GALNT13: variants seen among roughly 807,000 people sequenced by gnomAD.
GALNT13 encodes the protein polypeptide N-acetylgalactosaminyltransferase 13.
GALNT13 carries 28 observed loss-of-function variants against 64.2 expected under a neutral mutation model. The observed-to-expected ratio is 0.44, with a 90% CI of 0.32 to 0.60. GALNT13 has a LOEUF of 0.60. GALNT13 is among the 20% of genes least tolerant of loss of function. GALNT13 has a pLI of 0.05. For missense variants in GALNT13, 577 were observed against 669.8 expected (o/e 0.86, Z 1.53); for synonymous variants, 214 against 224.6 (o/e 0.95, Z 0.42).
chr2:153,361,622 AG>A, the GALNT13 span, among the ~76,000 whole-genome samples: 1 of 152,040 alleles, frequency 6.6e-6, no homozygotes, highest in Non-Finnish European at 1.5e-5. Flanking sequence ...AAAAAATATC[AG>A]AGTTTGAATA....
chr2:153,133,187 A>T, the GALNT13 span, among the ~76,000 whole-genome samples: 1 of 152,126 alleles, frequency 6.6e-6, no homozygotes, highest in Non-Finnish European at 1.5e-5. Flanking sequence ...AATCTCAGTC[A>T]CACAACGAAT....
chr2:153,718,210 C>T, the GALNT13 span, among the ~76,000 whole-genome samples: 1 of 152,054 alleles, frequency 6.6e-6, no homozygotes, highest in African/African-American at 2.4e-5. Context: ...TAAAAAAAAG[C>T]TAGGACCATA....
the GALNT13 span, among the ~76,000 whole-genome samples, chr2:153,365,813 C>A: frequency 6.6e-6 from 1 of 152,140 alleles, no homozygotes; most frequent in Non-Finnish European, 1.5e-5. Context: ...ATTAGTTCAA[C>A]CATTGTGGAA....
chr2:153,396,063 G>C, the GALNT13 span, among the ~76,000 whole-genome samples: 1 of 152,064 alleles, frequency 6.6e-6, no homozygotes, highest in African/African-American at 2.4e-5. Context: ...TTTCAATATA[G>C]CTTTGCTTAC....
At chr2:153,726,427 A>T in the GALNT13 span, among the ~76,000 whole-genome samples, 1 of 152,182 alleles carries the variant, frequency 6.6e-6, no homozygotes, top group Non-Finnish European at 1.5e-5. Flanking sequence ...ATTTGAAAGT[A>T]ATAAAATATG....
chr2:154,394,668 A>G (rs191275537), intron 9 of GALNT13, among the ~76,000 whole-genome samples: 1 of 152,294 alleles, frequency 6.6e-6, no homozygotes, highest in African/African-American at 2.4e-5. Flanking sequence ...GTAAATACTA[A>G]ATTGTTTTGA....
chr2:153,661,212 G>T, the GALNT13 span, among the ~76,000 whole-genome samples: 1 of 152,062 alleles, frequency 6.6e-6, no homozygotes, highest in East Asian at 1.9e-4. Flanking sequence ...GTTTATACTA[G>T]AATCACGGAA....
At chr2:153,478,479 G>A in the GALNT13 span, 1 of 1,613,156 alleles carries the variant, frequency 6.2e-7, no homozygotes, top group Non-Finnish European at 8.5e-7. Context: ...CCTGGGTGCA[G>A]CAGCGCACGG....
chr2:154,025,354 C>T (rs1697877982), intron 3 of GALNT13, among the ~76,000 whole-genome samples: 1 of 152,178 alleles, frequency 6.6e-6, no homozygotes, highest in Non-Finnish European at 1.5e-5. Flanking sequence ...ATAAAGTTTA[C>T]CTCTGATCTC....
At chr2:154,078,322 AT>A (rs940640772) in intron 3 of GALNT13, among the ~76,000 whole-genome samples, 7 of 151,534 alleles carry the variant, frequency 4.6e-5, no homozygotes, top group African/African-American at 1.7e-4. Flanking sequence ...AATACATTGA[AT>A]TTATGCCATA....
the GALNT13 span, among the ~76,000 whole-genome samples, chr2:153,809,237 C>T: frequency 6.6e-6 from 1 of 152,074 alleles, no homozygotes; most frequent in African/African-American, 2.4e-5. Flanking sequence ...ACACATTATT[C>T]GTTGAAACAT....
the GALNT13 span, among the ~76,000 whole-genome samples, chr2:153,698,859 C>G: frequency 6.6e-6 from 1 of 152,164 alleles, no homozygotes; most frequent in Admixed American, 6.5e-5. Context: ...TCAGCAAATG[C>G]AAAAGAACTG....
At chr2:153,272,481 AT>A in the GALNT13 span, among the ~76,000 whole-genome samples, 1 of 152,192 alleles carries the variant, frequency 6.6e-6, no homozygotes, top group African/African-American at 2.4e-5. Context: ...AAAAGAAGAC[AT>A]TTATATGGCC....
chr2:154,136,287 G>C (rs1682944449), intron 3 of GALNT13, among the ~76,000 whole-genome samples: 1 of 152,158 alleles, frequency 6.6e-6, no homozygotes, highest in East Asian at 1.9e-4. Context: ...TTCAGATTTT[G>C]ATTCAATGTT....
intron 3 of GALNT13, among the ~76,000 whole-genome samples, chr2:154,056,414 T>C (rs1477008221): frequency 6.6e-6 from 1 of 152,210 alleles, no homozygotes; most frequent in Non-Finnish European, 1.5e-5. Flanking sequence ...CAGCCTGTCC[T>C]AGGATGTAGT....
intron 12 of GALNT13, among the ~76,000 whole-genome samples, chr2:154,443,422 ACTC>A (rs527378030): frequency 4.1e-4 from 62 of 152,030 alleles, no homozygotes; most frequent in African/African-American, 1.4e-3. Context: ...TAACAGAAGA[ACTC>A]CTATTATCTT....
chr2:153,275,274 C>T, the GALNT13 span, among the ~76,000 whole-genome samples: 2 of 151,958 alleles, frequency 1.3e-5, no homozygotes, highest in South Asian at 2.1e-4. Flanking sequence ...TTAATTTTAA[C>T]AATATGTTTT....
the GALNT13 span, among the ~76,000 whole-genome samples, chr2:153,314,662 T>A: frequency 6.6e-6 from 1 of 151,812 alleles, no homozygotes; most frequent in Non-Finnish European, 1.5e-5. Context: ...TGTGTGGAAA[T>A]TAATATACTC....
At chr2:153,452,376 G>A in the GALNT13 span, among the ~76,000 whole-genome samples, 5 of 152,166 alleles carry the variant, frequency 3.3e-5, 1 homozygote, top group African/African-American at 1.2e-4. Context: ...AGCTACTTGG[G>A]AGGCTGAGGT....
Sources: allele counts gnomAD v4.1 joint callset (sites outside exome capture counted in the v4.1 genomes callset), GRCh38; gene constraint gnomAD v4.1.1; transcripts MANE v1.5; gene names NCBI Gene and HGNC (gene_info 2026-07-23, HGNC 2026-07-21).